The following UGGT1 variants were observed in gnomAD, a reference collection of about 807,000 sequenced individuals.
The protein encoded by UGGT1 is UDP-glucose glycoprotein glucosyltransferase 1, also known as UDP-glucose:glycoprotein glucosyltransferase 1.
In UGGT1, 107 loss-of-function variants were observed where a neutral mutation model predicts 203.9. That is an observed-to-expected ratio of 0.52 (90% CI 0.45 to 0.62). The LOEUF (loss-of-function observed/expected upper bound fraction) is 0.62. Among genes scored for constraint, UGGT1 ranks in the 20% least tolerant of loss-of-function variants. The probability of loss-of-function intolerance (pLI) is 0.00; values close to 1 mark genes in which losing one functional copy is unlikely to be tolerated. For missense variants in UGGT1, 1,673 were observed against 1,867.2 expected (o/e 0.90, Z 1.92); for synonymous variants, 628 against 653.5 (o/e 0.96, Z 0.59).
At chr2:128,132,851 G>A (rs1242058941) in intron 13 of UGGT1, among the ~76,000 whole-genome samples, 5 of 151,970 alleles carry the variant, frequency 3.3e-5, no homozygotes, top group Admixed American at 1.3e-4. Context: ...GGCTGGGACA[G>A]CAGCCACCAT....
At chr2:128,096,512 G>A (rs910556810) in intron 1 of UGGT1, among the ~76,000 whole-genome samples, 1 of 152,186 alleles carries the variant, frequency 6.6e-6, no homozygotes, top group Non-Finnish European at 1.5e-5. Flanking sequence ...TTTAGTGTGT[G>A]CCTCTGTCTT....
intron 19 of UGGT1, 66 bp downstream of exon 19, chr2:128,152,970 T>C: frequency 1.3e-6 from 2 of 1,596,854 alleles, no homozygotes; most frequent in East Asian, 2.2e-5. Flanking sequence ...TTTACATTTT[T>C]CAGATTTTAA....
intron 18 of UGGT1, among the ~76,000 whole-genome samples, chr2:128,150,623 C>T (rs757839455): frequency 6.7e-6 from 1 of 149,590 alleles, no homozygotes; most frequent in Non-Finnish European, 1.5e-5. Flanking sequence ...AAGGGCTGGT[C>T]AGAAGGTGTT....
In UGGT1 at chr2:128,113,167, T is replaced by C. The variant is rs1459519951; in HGVS notation, c.605T>C (p.Ile202Thr). The C allele has an allele frequency of 3.1e-6, 5 of 1,613,170 alleles. No individual in the cohort carries two copies. Among genetic ancestry groups the C allele is most frequent in the Non-Finnish European group, 4.2e-6 (5 of 1,179,504 alleles). The change falls in exon 6 of 41, where the codon ATT (isoleucine) becomes ACT (threonine). Residue 202 changes from isoleucine (I) to threonine (T), a missense_variant. Ile to Thr is a moderately conservative substitution (Grantham distance 89). Transcript: ENST00000259253. ...CCTGTGGTGATTTTCTACTCTGAGATTGGCTCTGAGGAATTTTCCAATTTT... is the reference window on the plus strand; with the variant it reads ...CCTGTGGTGATTTTCTACTCTGAGACTGGCTCTGAGGAATTTTCCAATTTT... ...ESPVVIFYSE[I>T]GSEEFSNFHR...
intron 5 of UGGT1, among the ~76,000 whole-genome samples, chr2:128,111,529 G>A (rs182600049): frequency 9.2e-5 from 14 of 151,774 alleles, no homozygotes; most frequent in Admixed American, 7.2e-4. Context: ...TTTTTGAGAC[G>A]GAGTCTCGCT....
chr2:128,101,719 G>A (rs1446691610), intron 2 of UGGT1, among the ~76,000 whole-genome samples: 1 of 152,156 alleles, frequency 6.6e-6, no homozygotes, highest in Non-Finnish European at 1.5e-5. Flanking sequence ...TCTGAGGGTG[G>A]CTGTGTGGGT....
intron 18 of UGGT1, among the ~76,000 whole-genome samples, chr2:128,150,023 T>G (rs1003715486): frequency 5.3e-5 from 8 of 152,216 alleles, no homozygotes; most frequent in African/African-American, 1.9e-4. Context: ...TGGACATTAC[T>G]TCTACATTTT....
chr2:128,183,937 T>TGTGTGTGTGTGTGTGTGTGTGAGA, intron 38 of UGGT1, 148 bp downstream of exon 38: 2 of 326,392 alleles, frequency 6.1e-6, no homozygotes, highest in East Asian at 6.0e-5. Context: ...TGTGTGTGTG[T>TGTGTGTGTGTGTGTGTGTGTGAGA]GAGAGAGAGA....
intron 15 of UGGT1, among the ~76,000 whole-genome samples, chr2:128,135,745 T>G (rs769301356): frequency 2.0e-5 from 3 of 152,186 alleles, no homozygotes; most frequent in Admixed American, 6.5e-5. Flanking sequence ...TATAAGTGCG[T>G]TAGGATTTCA....
intron 13 of UGGT1, among the ~76,000 whole-genome samples, chr2:128,131,206 C>T (rs1379134430): frequency 3.6e-5 from 5 of 137,608 alleles, no homozygotes; most frequent in African/African-American, 1.4e-4. Flanking sequence ...GTACTCCAGC[C>T]TGGGCGACAG....
intron 15 of UGGT1, 86 bp from the exon 16 acceptor site, chr2:128,138,631 G>A (rs1047727576): frequency 2.0e-6 from 3 of 1,468,526 alleles, no homozygotes; most frequent in Middle Eastern, 1.8e-4. Flanking sequence ...TAGCTATAAT[G>A]TATGAGAAGG....
chr2:128,116,437 C>CT, intron 8 of UGGT1, 94 bp downstream of exon 8: 3 of 788,220 alleles, frequency 3.8e-6, no homozygotes, highest in Non-Finnish European at 6.5e-6. Context: ...TCATTACTGT[C>CT]TGAGTTTCTC....
At chr2:128,106,934 C>T (rs958011371) in intron 3 of UGGT1, among the ~76,000 whole-genome samples, 2 of 152,144 alleles carry the variant, frequency 1.3e-5, no homozygotes, top group Non-Finnish European at 2.9e-5. Flanking sequence ...CCTCCTGCCT[C>T]GGCCTCCTAA....
intron 37 of UGGT1, among the ~76,000 whole-genome samples, chr2:128,182,909 C>CTTTTTTTT (rs372722115): frequency 8.8e-6 from 1 of 114,238 alleles, no homozygotes; most frequent in Non-Finnish European, 1.7e-5. Flanking sequence ...TGTAACTTGG[C>CTTTTTTTT]TTTTTTTTTT....
chr2:128,148,297 C>G, intron 18 of UGGT1, among the ~76,000 whole-genome samples: 1 of 152,264 alleles, frequency 6.6e-6, no homozygotes, highest in East Asian at 1.9e-4. Context: ...ACATTGGTCT[C>G]GAACTCCTGT....
intron 38 of UGGT1, among the ~76,000 whole-genome samples, chr2:128,184,804 C>G (rs34273751): frequency 0.31 from 46,553 of 152,026 alleles, 8,590 homozygotes; most frequent in Non-Finnish European, 0.4. Flanking sequence ...GCCTCAGCCT[C>G]CTGAGTAACT....
chr2:128,107,338 T>C (rs1443660320), intron 3 of UGGT1, among the ~76,000 whole-genome samples: 2 of 152,220 alleles, frequency 1.3e-5, no homozygotes, highest in African/African-American at 2.4e-5. Flanking sequence ...ATGCTTCTTT[T>C]CAAACTTTAC....
chr2:128,173,630 CATT>C (rs1284783072), intron 29 of UGGT1, 148 bp from the exon 30 acceptor site: 4 of 978,716 alleles, frequency 4.1e-6, no homozygotes, highest in Non-Finnish European at 5.9e-6. Flanking sequence ...TGCTTTCTGT[CATT>C]ATACTTTTGT....
chr2:128,095,823 A>G (rs1687094338), intron 1 of UGGT1, among the ~76,000 whole-genome samples: 1 of 152,202 alleles, frequency 6.6e-6, no homozygotes, highest in East Asian at 1.9e-4. Flanking sequence ...TGCTTTTTAT[A>G]AAAAGCAGCT....
Sources: allele counts gnomAD v4.1 joint callset (sites outside exome capture counted in the v4.1 genomes callset), GRCh38; gene constraint gnomAD v4.1.1; transcripts MANE v1.5; gene names NCBI Gene and HGNC (gene_info 2026-07-23, HGNC 2026-07-21).